Variants in ARHGEF7 observed in about 807,000 individuals in gnomAD.
ARHGEF7 encodes Rho guanine nucleotide exchange factor 7.
Under a neutral mutation model 109.8 loss-of-function variants are expected in ARHGEF7, and 33 were observed. The ratio of observed to expected loss-of-function variants is 0.30; its 90% CI spans 0.23 to 0.40. The LOEUF (loss-of-function observed/expected upper bound fraction) is 0.40, where lower values mean the gene tolerates loss of function less well. Ranked by LOEUF, ARHGEF7 falls within the 10% of genes least tolerant of loss-of-function variation. ARHGEF7 has a pLI of 1.00. For synonymous variants in ARHGEF7, 458 were observed against 424.6 expected (o/e 1.08, Z -0.97); for missense variants, 938 against 1,098.5 (o/e 0.85, Z 2.07).
chr13:111,167,963 C>T (rs2077263175), intron 2 of ARHGEF7, among the ~76,000 whole-genome samples: 1 of 151,398 alleles, frequency 6.6e-6, no homozygotes, highest in Non-Finnish European at 1.5e-5. Context: ...AACAGTAAAA[C>T]TGAACCTTCT....
intron 2 of ARHGEF7, among the ~76,000 whole-genome samples, chr13:111,201,995 CTAAGGAA>C (rs2153461585): frequency 6.6e-6 from 1 of 152,308 alleles, no homozygotes; most frequent in Non-Finnish European, 1.5e-5. Context: ...CAAAAATAAG[CTAAGGAA>C]TTTTAATGTT....
At chr13:111,256,663 A>G (rs991648425) in intron 8 of ARHGEF7, among the ~76,000 whole-genome samples, 1 of 151,754 alleles carries the variant, frequency 6.6e-6, no homozygotes. Flanking sequence ...CGTATTACCC[A>G]CCTGTTGATT....
chr13:111,189,445 G>A (rs1042092700), intron 2 of ARHGEF7, among the ~76,000 whole-genome samples: 15 of 152,238 alleles, frequency 9.9e-5, no homozygotes, highest in East Asian at 3.9e-4. Flanking sequence ...TAAAGGTGGC[G>A]CATCCGGAGT....
intron 2 of ARHGEF7, among the ~76,000 whole-genome samples, chr13:111,157,438 G>T (rs1208055505): frequency 6.6e-6 from 1 of 151,944 alleles, no homozygotes; most frequent in African/African-American, 2.4e-5. Flanking sequence ...CTAGCGCTTT[G>T]GGAGGCTGAG....
chr13:111,173,689 G>A (rs2077815421), intron 2 of ARHGEF7, among the ~76,000 whole-genome samples: 1 of 152,174 alleles, frequency 6.6e-6, no homozygotes, highest in South Asian at 2.1e-4. Context: ...TGTGTTTCAT[G>A]GCTGCCAAGT....
intron 2 of ARHGEF7, among the ~76,000 whole-genome samples, chr13:111,169,916 G>A (rs1003545878): frequency 2.0e-4 from 30 of 152,128 alleles, no homozygotes; most frequent in Non-Finnish European, 8.8e-5. Context: ...ACTGTCATGC[G>A]CAACAACTGC....
chr13:111,155,783 A>G (rs1469614254), intron 2 of ARHGEF7, among the ~76,000 whole-genome samples: 2 of 152,224 alleles, frequency 1.3e-5, no homozygotes, highest in Non-Finnish European at 2.9e-5. Flanking sequence ...TTTTGTTTTA[A>G]AGTAAATTGA....
intron 2 of ARHGEF7, among the ~76,000 whole-genome samples, chr13:111,179,189 G>A (rs570698875): frequency 3.3e-5 from 5 of 151,494 alleles, no homozygotes; most frequent in Admixed American, 1.3e-4. Context: ...AGCGATTCTC[G>A]TGCCTCAGCC....
At chr13:111,198,305 C>T (rs1051499816) in intron 2 of ARHGEF7, among the ~76,000 whole-genome samples, 5 of 152,112 alleles carry the variant, frequency 3.3e-5, no homozygotes, top group East Asian at 3.9e-4. Context: ...CACTGCTTGG[C>T]GATAGTCCCA....
chr13:111,280,436 A>C lies in ARHGEF7; in HGVS notation c.1585+86A>C, dbSNP rs2092717271. The C allele has an allele frequency of 2.5e-6, 4 of 1,584,692 alleles. No homozygotes were observed. In the Admixed American group the frequency reaches 7.0e-5, roughly 28 times the overall value. On this transcript the variant is annotated intron_variant, in intron 14 of 21. Coordinates refer to ENST00000646102, the MANE Select transcript of ARHGEF7 (RefSeq NM_001354046.2). ...GTGCAGATTCTTGCTTGCGTATTTC[A>C]GAAGGTGGTGTTTAAGCGCTGAGTG... is the stretch of plus-strand genomic sequence containing the variant.
intron 1 of ARHGEF7, among the ~76,000 whole-genome samples, chr13:111,133,763 T>TA (rs1299591434): frequency 4.1e-4 from 3 of 7,378 alleles, no homozygotes; most frequent in Non-Finnish European, 5.1e-4. Context: ...CTGCTTTTCT[T>TA]TATATATATA....
chr13:111,272,643 G>C lies in ARHGEF7; in HGVS notation c.1074-1171G>C, dbSNP rs1193326116. ...AGGATGGGGCGTGGTGATGGGGCGG[G>C]GGTCACCTGGGTCTCCTGGATGGGA... On this transcript the variant is annotated intron_variant, in intron 9 of 21. Coordinates refer to ENST00000646102, the MANE Select transcript of ARHGEF7 (RefSeq NM_001354046.2). The surrounding 1 kb of genome is among the most constrained non-coding windows in gnomAD (Gnocchi z 5.2). Among the ~76,000 whole-genome samples the C allele has an allele frequency of 6.6e-6, 1 of 152,098 alleles. No individual in the cohort carries two copies. The highest frequency in any genetic ancestry group is 1.5e-5 in the Non-Finnish European group (1 of 67,998).
At chr13:111,183,494 T>C (rs2078962835) in intron 2 of ARHGEF7, among the ~76,000 whole-genome samples, 4 of 152,346 alleles carry the variant, frequency 2.6e-5, no homozygotes, top group Admixed American at 2.0e-4. Flanking sequence ...TCCGGCATCA[T>C]CTGTGGCTTC....
intron 1 of ARHGEF7, chr13:111,153,702 C>G: frequency 7.6e-7 from 1 of 1,314,278 alleles, no homozygotes; most frequent in Non-Finnish European, 9.6e-7. Context: ...ATTGGTGCAG[C>G]CCCGGAGGAA....
chr13:111,279,492 A>G (rs896821439), intron 13 of ARHGEF7, among the ~76,000 whole-genome samples: 6 of 152,218 alleles, frequency 3.9e-5, no homozygotes, highest in African/African-American at 1.4e-4. Context: ...GGAGGTGCTT[A>G]TGTAGAATCC....
intron 19 of ARHGEF7, among the ~76,000 whole-genome samples, chr13:111,300,265 A>G (rs2093533597): frequency 6.6e-6 from 1 of 152,170 alleles, no homozygotes; most frequent in Non-Finnish European, 1.5e-5. Context: ...TTTTTTCTAA[A>G]CCATGTGCTA....
In ARHGEF7 at chr13:111,160,954, T is replaced by C. The variant is rs550479451; in HGVS notation, c.252+6963T>C. On this transcript the variant is annotated intron_variant, in intron 2 of 21. Coordinates refer to ENST00000646102, the MANE Select transcript of ARHGEF7 (RefSeq NM_001354046.2). The stretch of plus-strand genomic sequence containing the variant: ...TCTTGGGTATGTCTTTGTAACAGTG[T>C]GAACGTGGACTAATGTACATGCCAA... 2.6e-5 allele frequency among the ~76,000 whole-genome samples: 4 copies of C among 152,336 alleles called. No individual in the cohort carries two copies. In the South Asian group the frequency reaches 6.2e-4, roughly 24 times the overall value.
intron 6 of ARHGEF7, among the ~76,000 whole-genome samples, chr13:111,236,227 T>C (rs1386973613): frequency 6.6e-6 from 1 of 152,230 alleles, no homozygotes; most frequent in Non-Finnish European, 1.5e-5. Flanking sequence ...CTTCATACTG[T>C]CCTTTAATTT....
chr13:111,206,077 G>T (rs1241812400), intron 3 of ARHGEF7, among the ~76,000 whole-genome samples: 1 of 152,094 alleles, frequency 6.6e-6, no homozygotes, highest in South Asian at 2.1e-4. Flanking sequence ...CTTTTTAGTT[G>T]CTTTTTTGGT....
Sources: gnomAD v4.1 joint callset for allele counts (sites outside exome capture counted in the v4.1 genomes callset) on GRCh38, gnomAD v4.1.1 for gene constraint, Gnocchi (gnomAD v3.1) non-coding constraint, MANE v1.5 for transcripts, NCBI Gene and HGNC (gene_info 2026-07-23, HGNC 2026-07-21) for gene names.